The following ARHGAP35 variants were observed in gnomAD, a reference collection of about 807,000 sequenced individuals.
ARHGAP35 encodes the protein Rho GTPase activating protein 35.
Under a neutral mutation model 111.1 loss-of-function variants are expected in ARHGAP35, and 15 were observed. The observed-to-expected ratio is 0.13, with a 90% CI of 0.09 to 0.21. The LOEUF is 0.21. Ranked by LOEUF, ARHGAP35 falls within the 10% of genes least tolerant of loss-of-function variation. The pLI is 1.00. For missense variants in ARHGAP35, 1,262 were observed against 1,873.0 expected (o/e 0.67, Z 6.02); for synonymous variants, 643 against 710.3 (o/e 0.91, Z 1.51).
chr19:46,949,530 G>A (rs1006150866), intron 3 of ARHGAP35, among the ~76,000 whole-genome samples: 1 of 152,146 alleles, frequency 6.6e-6, no homozygotes, highest in Admixed American at 6.5e-5. Flanking sequence ...TATAAAACAA[G>A]TGGCCTGAAC....
chr19:46,947,161 G>T (rs190702647), intron 3 of ARHGAP35: 2 of 152,230 alleles, frequency 1.3e-5, no homozygotes, highest in East Asian at 3.9e-4. Context: ...TTTTGTGGGG[G>T]TGGATGGCAG....
At chr19:46,929,364 T>G (rs909465136) in intron 2 of ARHGAP35, among the ~76,000 whole-genome samples, 1 of 152,132 alleles carries the variant, frequency 6.6e-6, no homozygotes, top group Non-Finnish European at 1.5e-5. Context: ...GAATACTGAA[T>G]GCAAGAAAGT....
At chr19:46,957,215 C>G (rs2056444769) in intron 3 of ARHGAP35, among the ~76,000 whole-genome samples, 1 of 152,134 alleles carries the variant, frequency 6.6e-6, no homozygotes, top group Admixed American at 6.5e-5. Flanking sequence ...CCCGCCTCGG[C>G]CTCCCAAAGT....
In ARHGAP35 at chr19:46,920,387, A is replaced by G; in HGVS notation, c.1712A>G (p.Glu571Gly). ...CCAGCTTGTGTGGACGCTAAGATTG[A>G]GCACTTGATTAGTTCTCGGTTTATC... Reference protein sequence around the residue: ...SCPACVDAKIEHLISSRFIRP... With the variant: ...SCPACVDAKIGHLISSRFIRP... Residue 571 changes from glutamate (E) to glycine (G), a missense_variant, in exon 2 of 7, where the codon GAG (glutamate) becomes GGG (glycine). Coordinates refer to ENST00000672722, the MANE Select transcript of ARHGAP35 (RefSeq NM_004491.5). The surrounding 1 kb of genome is among the most constrained non-coding windows in gnomAD (Gnocchi z 7.0). 1 of 1,614,022 alleles carries G rather than the reference A, an allele frequency of 6.2e-7. No individual in the cohort carries two copies. The highest frequency in any genetic ancestry group is 8.5e-7 in the Non-Finnish European group (1 of 1,179,890).
At chr19:46,957,416 C>A (rs1302193127) in intron 3 of ARHGAP35, among the ~76,000 whole-genome samples, 1 of 151,956 alleles carries the variant, frequency 6.6e-6, no homozygotes, top group Non-Finnish European at 1.5e-5. Flanking sequence ...GAGTTTGAGA[C>A]CAGCCTGAGC....
rs779086396 is a variant in ARHGAP35, at chr19:46,921,660, G to C, written c.2985G>C (p.Leu995=). The change falls in exon 2 of 7, where the codon CTG becomes CTC. Residue 995 remains leucine, a synonymous_variant. Coordinates refer to ENST00000672722, the MANE Select transcript of ARHGAP35 (RefSeq NM_004491.5). The surrounding 1 kb of genome is among the most constrained non-coding windows in gnomAD (Gnocchi z 4.3). The part of the protein sequence containing the change: ...SEEDIEPSYS[L]FREDTSLPSL... ...AAGATATCGAGCCATCTTACAGCCTGTTTCGAGAAGACACATCACTGCCTT... is the reference window on the plus strand; with the variant it reads ...AAGATATCGAGCCATCTTACAGCCTCTTTCGAGAAGACACATCACTGCCTT... 1 of 1,613,974 alleles carries C rather than the reference G, an allele frequency of 6.2e-7. No homozygotes were observed. Among genetic ancestry groups the C allele is most frequent in the Non-Finnish European group, 8.5e-7 (1 of 1,179,892 alleles).
chr19:46,991,845 C>A (rs911600022), intron 5 of ARHGAP35, among the ~76,000 whole-genome samples: 5 of 152,220 alleles, frequency 3.3e-5, no homozygotes, highest in African/African-American at 9.7e-5. Context: ...CTGGGGTTTC[C>A]ATGGCTACAT....
At chr19:46,873,905 C>A (rs1473308147) in intron 1 of ARHGAP35, among the ~76,000 whole-genome samples, 1 of 152,052 alleles carries the variant, frequency 6.6e-6, no homozygotes, top group East Asian at 2.0e-4. Context: ...TGCGCCACCA[C>A]CCTGGGCTAA....
chr19:46,994,936 G>A lies in ARHGAP35; in HGVS notation c.4037-4368G>A, dbSNP rs959102632. ...ACCACACAACCTCACCCATCCCCAC[G>A]TGCTCAGCCCAGCCCTTCTCATGCT... is the stretch of plus-strand genomic sequence containing the variant. On this transcript the variant is annotated intron_variant, in intron 5 of 6. Coordinates refer to ENST00000672722, the MANE Select transcript of ARHGAP35 (RefSeq NM_004491.5). This position sits in a 1 kb window ranked among gnomAD's most constrained non-coding sequence, Gnocchi z 5.4. Among the ~76,000 whole-genome samples, 2 of 152,064 alleles carry A rather than the reference G, an allele frequency of 1.3e-5. No individual in the cohort carries two copies. Among genetic ancestry groups the A allele is most frequent in the East Asian group, 1.9e-4 (1 of 5,192 alleles).
chr19:46,980,608 G>T (rs1484309487), intron 3 of ARHGAP35, among the ~76,000 whole-genome samples: 4 of 152,162 alleles, frequency 2.6e-5, no homozygotes, highest in African/African-American at 9.7e-5. Flanking sequence ...TTTTGGCCAC[G>T]CTCTCAGAAT....
intron 3 of ARHGAP35, among the ~76,000 whole-genome samples, chr19:46,940,887 C>T (rs1463853834): frequency 3.3e-5 from 5 of 152,200 alleles, no homozygotes; most frequent in Non-Finnish European, 7.3e-5. Context: ...CCATCACCCA[C>T]CTTCTCAGTC....
rs2056738611 is a variant in ARHGAP35, at chr19:47,000,219, C to T, written c.4143-112C>T. 3.4e-6 allele frequency: 4 copies of T among 1,180,140 alleles called. No individual in the cohort carries two copies. The East Asian group carries it at 9.4e-5, about 28-fold the overall frequency. The allele number at this position is 1,180,140 out of a possible 1,614,324, so 73.1% of individuals were successfully genotyped here. ...AGAGAGCTGCGCATGGCCTTTTCTG[C>T]TCCACCTGAGGGAAGAAAGGTGGGC... On this transcript the variant is annotated intron_variant, in intron 6 of 6. Transcript: ENST00000672722. The surrounding 1 kb of genome is among the most constrained non-coding windows in gnomAD (Gnocchi z 6.9).
Position 46,918,227 on chromosome 19 carries a change from G to A in ARHGAP35, c.-188-261G>A, listed in dbSNP as rs965450342. On this transcript the variant is annotated intron_variant, in intron 1 of 6. Coordinates refer to ENST00000672722, the MANE Select transcript of ARHGAP35 (RefSeq NM_004491.5). The surrounding 1 kb of genome is among the most constrained non-coding windows in gnomAD (Gnocchi z 5.4). ...ACCCTGGAATCAGCCCTTTTTCCAG[G>A]GAGCCCTCACACCCTTGTTTTAGCA... Among the ~76,000 whole-genome samples the A allele has an allele frequency of 6.6e-6, 1 of 151,830 alleles. No individual in the cohort carries two copies. The highest frequency in any genetic ancestry group is 1.9e-4 in the East Asian group (1 of 5,186).
chr19:46,962,015 A>AT (rs1880196418), intron 3 of ARHGAP35, among the ~76,000 whole-genome samples: 1 of 152,054 alleles, frequency 6.6e-6, no homozygotes, highest in Non-Finnish European at 1.5e-5. Context: ...AAGGATTGGG[A>AT]TAGTGGATAT....
At chr19:46,896,224 T>A (rs933617141) in intron 1 of ARHGAP35, among the ~76,000 whole-genome samples, 2 of 152,144 alleles carry the variant, frequency 1.3e-5, no homozygotes, top group Non-Finnish European at 2.9e-5. Flanking sequence ...GGCAACATGG[T>A]GAAACCCTGT....
intron 1 of ARHGAP35, among the ~76,000 whole-genome samples, chr19:46,881,920 C>T (rs1171777920): frequency 6.6e-6 from 1 of 151,732 alleles, no homozygotes; most frequent in African/African-American, 2.4e-5. Flanking sequence ...TTGCTGCTTG[C>T]TTCATCTTGC....
At chr19:46,966,636 C>T (rs909539090) in intron 3 of ARHGAP35, among the ~76,000 whole-genome samples, 1 of 152,046 alleles carries the variant, frequency 6.6e-6, no homozygotes, top group Non-Finnish European at 1.5e-5. Flanking sequence ...TTTTCCTCTT[C>T]TCTTTTTTCT....
At chr19:46,905,569 A>C (rs972157112) in intron 1 of ARHGAP35, among the ~76,000 whole-genome samples, 19 of 144,242 alleles carry the variant, frequency 1.3e-4, no homozygotes, top group Non-Finnish European at 2.1e-4. Context: ...CCCCCCCCCA[A>C]GACAGAGTCT....
At chr19:46,975,173 AG>A (rs1290975446) in intron 3 of ARHGAP35, among the ~76,000 whole-genome samples, 1 of 152,160 alleles carries the variant, frequency 6.6e-6, no homozygotes, top group African/African-American at 2.4e-5. Context: ...CCTGGCCAGA[AG>A]GGGCTTGTTA....
Sources: allele counts gnomAD v4.1 joint callset (sites outside exome capture counted in the v4.1 genomes callset), GRCh38; gene constraint gnomAD v4.1.1; non-coding constraint Gnocchi (gnomAD v3.1); transcripts MANE v1.5; gene names NCBI Gene and HGNC (gene_info 2026-07-23, HGNC 2026-07-21).